STAG1: variants seen among roughly 807,000 people sequenced by gnomAD.
The protein encoded by STAG1 is cohesin subunit SA-1.
STAG1 carries 26 observed loss-of-function variants against 170.9 expected under a neutral mutation model. That is an observed-to-expected ratio of 0.15 (90% CI 0.11 to 0.21). The LOEUF (loss-of-function observed/expected upper bound fraction) is 0.21. STAG1 is among the 10% of genes least tolerant of loss of function. STAG1 has a pLI of 1.00. For synonymous variants in STAG1, 514 were observed against 497.7 expected, an observed-to-expected ratio of 1.03 and a Z score of -0.44; for missense variants, 964 against 1,509.5, an observed-to-expected ratio of 0.64 and a Z score of 5.99.
At chr3:136,592,892 A>G (rs1293079627) in intron 4 of STAG1, among the ~76,000 whole-genome samples, 1 of 152,218 alleles carries the variant, frequency 6.6e-6, no homozygotes, top group African/African-American at 2.4e-5. Context: ...TTCTGCTACA[A>G]CTTGGTATAG....
chr3:136,371,136 T>G (rs1482356452), intron 23 of STAG1, among the ~76,000 whole-genome samples: 5 of 152,244 alleles, frequency 3.3e-5, no homozygotes, highest in Non-Finnish European at 7.3e-5. Flanking sequence ...TTCATGTGTT[T>G]TTTGGCTGCA....
intron 29 of STAG1, among the ~76,000 whole-genome samples, chr3:136,345,455 G>GTTT (rs34593330): frequency 3.5e-3 from 344 of 99,056 alleles, no homozygotes; most frequent in African/African-American, 4.4e-3. Context: ...TTACCTAGTT[G>GTTT]TTTTTTTTTT....
At chr3:136,729,254 C>T (rs1310020295) in intron 1 of STAG1, among the ~76,000 whole-genome samples, 1 of 152,104 alleles carries the variant, frequency 6.6e-6, no homozygotes, top group Non-Finnish European at 1.5e-5. Flanking sequence ...GATCTGCCAG[C>T]CTCAGCCTCC....
At chr3:136,601,205 A>T (rs1938659433) in intron 4 of STAG1, among the ~76,000 whole-genome samples, 1 of 152,164 alleles carries the variant, frequency 6.6e-6, no homozygotes, top group Non-Finnish European at 1.5e-5. Flanking sequence ...AAACAGTTCA[A>T]ATAAAATCTA....
At chr3:136,341,345 T>C in intron 31 of STAG1, 96 bp downstream of exon 31, 1 of 786,686 alleles carries the variant, frequency 1.3e-6, no homozygotes, top group South Asian at 1.6e-5. Flanking sequence ...TAATTTTAAC[T>C]CCTAAGACCA....
At chr3:136,350,583 C>G (rs1936398934) in intron 28 of STAG1, among the ~76,000 whole-genome samples, 1 of 152,160 alleles carries the variant, frequency 6.6e-6, no homozygotes. Flanking sequence ...TACTCTCTCC[C>G]CTGCTCAAAG....
At chr3:136,732,051 A>G (rs1030040313) in intron 1 of STAG1, among the ~76,000 whole-genome samples, 6 of 152,162 alleles carry the variant, frequency 3.9e-5, no homozygotes, top group African/African-American at 1.4e-4. Flanking sequence ...CTTGGAAACC[A>G]GCTATCTGGC....
intron 1 of STAG1, among the ~76,000 whole-genome samples, chr3:136,642,962 AC>A (rs1940859746): frequency 6.6e-6 from 1 of 152,130 alleles, no homozygotes; most frequent in Admixed American, 6.5e-5. Context: ...CTGTGTCATC[AC>A]ACTGTATTCT....
chr3:136,749,918 AAAG>A (rs943756666), intron 1 of STAG1, among the ~76,000 whole-genome samples: 41 of 111,530 alleles, frequency 3.7e-4, no homozygotes, highest in Admixed American at 8.6e-4. Context: ...TTAAAAAAAA[AAAG>A]AAAGAAACTA....
intron 23 of STAG1, among the ~76,000 whole-genome samples, chr3:136,373,233 C>T (rs1937442855): frequency 6.6e-6 from 1 of 152,044 alleles, no homozygotes; most frequent in Non-Finnish European, 1.5e-5. Context: ...TTTGATTCTT[C>T]TCTCTTTTCT....
At chr3:136,633,730 G>T (rs1940430635) in intron 1 of STAG1, among the ~76,000 whole-genome samples, 1 of 142,032 alleles carries the variant, frequency 7.0e-6, no homozygotes, top group Non-Finnish European at 1.5e-5. Flanking sequence ...GGGGGTCAGG[G>T]GCACAGATAT....
intron 12 of STAG1, among the ~76,000 whole-genome samples, chr3:136,467,667 C>T (rs1279117158): frequency 6.6e-6 from 1 of 152,184 alleles, no homozygotes; most frequent in Admixed American, 6.5e-5. Flanking sequence ...AATGAACAGA[C>T]ATCTACAGAA....
chr3:136,459,714 T>C (rs1459933830), intron 13 of STAG1, among the ~76,000 whole-genome samples: 2 of 152,146 alleles, frequency 1.3e-5, no homozygotes, highest in Non-Finnish European at 2.9e-5. Context: ...ACAGAAGGAA[T>C]GGAAATTGTT....
intron 22 of STAG1, among the ~76,000 whole-genome samples, chr3:136,390,910 G>T (rs61789643): frequency 0.089 from 13,600 of 152,236 alleles, 788 homozygotes; most frequent in Middle Eastern, 0.15. Context: ...ACATTTGTAG[G>T]AATGCATGTT....
At chr3:136,377,066 T>C (rs1937636599) in intron 23 of STAG1, among the ~76,000 whole-genome samples, 2 of 147,506 alleles carry the variant, frequency 1.4e-5, no homozygotes, top group Non-Finnish European at 1.5e-5. Flanking sequence ...CGTGAGCCAC[T>C]GCGCCCGGCC....
intron 13 of STAG1, among the ~76,000 whole-genome samples, chr3:136,463,925 A>G (rs1052462153): frequency 2.7e-5 from 4 of 148,454 alleles, no homozygotes. Flanking sequence ...TATATATTTT[A>G]AAATGATTTA....
chr3:136,398,204 A>G (rs924774111), intron 22 of STAG1, among the ~76,000 whole-genome samples: 21 of 150,032 alleles, frequency 1.4e-4, no homozygotes, highest in African/African-American at 5.2e-4. Flanking sequence ...TGCAACCTCT[A>G]CCTCCCGGGT....
chr3:136,464,698 C>T (rs1321627828), intron 13 of STAG1, among the ~76,000 whole-genome samples, 183 bp downstream of exon 13: 1 of 152,176 alleles, frequency 6.6e-6, no homozygotes, highest in Non-Finnish European at 1.5e-5. Context: ...TCACAAGGTA[C>T]AGCATCCTCA....
chr3:136,337,923 G>A lies in STAG1; in HGVS notation c.*331C>T, dbSNP rs1422186324. On this transcript the variant is annotated 3_prime_UTR_variant, in exon 34 of 34. Transcript: ENST00000383202. Reference sequence around the variant, plus strand: ...TCAATGTTGAGTTTTCATAAAACAGGTGTATAACAGTGTTTATCTTGACAG... The same window carrying A: ...TCAATGTTGAGTTTTCATAAAACAGATGTATAACAGTGTTTATCTTGACAG... 1 of 235,156 alleles carries A rather than the reference G, an allele frequency of 4.3e-6. No individual in the cohort carries two copies. The highest frequency in any genetic ancestry group is 8.5e-5 in the East Asian group (1 of 11,728). 14.6% of individuals were successfully genotyped at this position (235,156 alleles called of 1,614,324 possible).
Sources: allele counts gnomAD v4.1 joint callset (sites outside exome capture counted in the v4.1 genomes callset), GRCh38; gene constraint gnomAD v4.1.1; transcripts MANE v1.5; gene names NCBI Gene and HGNC (gene_info 2026-07-23, HGNC 2026-07-21).